SCAPER: variants seen among roughly 807,000 people sequenced by gnomAD.
SCAPER encodes S-phase cyclin A associated protein in the ER.
SCAPER carries 98 observed loss-of-function variants against 182.2 expected under a neutral mutation model. The observed-to-expected ratio is 0.54, with a 90% CI of 0.46 to 0.64. The LOEUF is 0.64. Among genes scored for constraint, SCAPER ranks in the 30% least tolerant of loss-of-function variants. The probability of loss-of-function intolerance (pLI) is 0.00; values close to 1 mark genes in which losing one functional copy is unlikely to be tolerated. For synonymous variants in SCAPER, 605 were observed against 564.6 expected (o/e 1.07, Z -1.01); for missense variants, 1,432 against 1,690.0 (o/e 0.85, Z 2.68).
At position 76,359,127 on chromosome 15, in the gene SCAPER, C is replaced by T. The variant is rs1016022418; in HGVS notation, c.3856-4987G>A. Among the ~76,000 whole-genome samples, 4 of 152,324 alleles carry T rather than the reference C, an allele frequency of 2.6e-5. No homozygotes were observed. The East Asian group carries it at 7.7e-4, about 29-fold the overall frequency. ...TTTGGTTAGCTGACCAGTTCTGCTG[C>T]TCTGAGTCTTCTCCCGCTAGACCTG... On this transcript the variant is annotated intron_variant, in intron 29 of 31. Transcript: ENST00000563290.
At chr15:76,690,761 C>T (rs556623362) in intron 20 of SCAPER, among the ~76,000 whole-genome samples, 24 of 152,166 alleles carry the variant, frequency 1.6e-4, no homozygotes, top group Middle Eastern at 3.4e-3. Context: ...AGAAACTGCT[C>T]CAGAACACAG....
intron 27 of SCAPER, among the ~76,000 whole-genome samples, chr15:76,384,814 C>G (rs2043188300): frequency 6.6e-6 from 1 of 152,112 alleles, no homozygotes; most frequent in Non-Finnish European, 1.5e-5. Flanking sequence ...GCTTGAAGTA[C>G]AGATAATTTG....
At chr15:76,780,334 C>T (rs1319046469) in intron 8 of SCAPER, among the ~76,000 whole-genome samples, 1 of 152,200 alleles carries the variant, frequency 6.6e-6, no homozygotes, top group Non-Finnish European at 1.5e-5. Flanking sequence ...GAGGGGCATC[C>T]GCCATTGCTG....
At position 76,381,421 on chromosome 15, in the gene SCAPER, C is replaced by T. The variant is rs1382409824; in HGVS notation, c.3662G>A (p.Arg1221His). 4 of 1,613,808 alleles carry T rather than the reference C, an allele frequency of 2.5e-6. No homozygotes were observed. The highest frequency in any genetic ancestry group is 2.2e-5 in the East Asian group (1 of 44,882). Residue 1221 changes from arginine to histidine, a missense_variant, in exon 28 of 32, where the codon CGT becomes CAT. This residue lies in a region of SCAPER where 718 missense variants were observed against 799.7 expected (regional missense o/e 0.90). Transcript: ENST00000563290. Reference sequence around the variant, plus strand: ...AAGAGCTGCAAAGCTGTTGAAGAAACGTAAACTCTGAATGGCCACTTGGAT... The same window carrying T: ...AAGAGCTGCAAAGCTGTTGAAGAAATGTAAACTCTGAATGGCCACTTGGAT... ...NTIQVAIQSLRFFNSFAALHL... is the reference protein window; with the variant it reads ...NTIQVAIQSLHFFNSFAALHL...
chr15:76,416,064 A>G (rs2045623511), intron 26 of SCAPER, among the ~76,000 whole-genome samples: 1 of 152,166 alleles, frequency 6.6e-6, no homozygotes, highest in Admixed American at 6.5e-5. Flanking sequence ...AATTTTTATA[A>G]ACATTTCAAC....
chr15:76,498,010 AAAAAAAAAAAT>A, intron 24 of SCAPER, among the ~76,000 whole-genome samples: 1 of 149,372 alleles, frequency 6.7e-6, no homozygotes, highest in East Asian at 2.0e-4. Context: ...AAAAAAAAAA[AAAAAAAAAAAT>A]AAGCACATGA....
At chr15:76,467,128 T>C (rs1383117134) in intron 25 of SCAPER, among the ~76,000 whole-genome samples, 1 of 152,194 alleles carries the variant, frequency 6.6e-6, no homozygotes, top group Non-Finnish European at 1.5e-5. Context: ...TCTGCCATGA[T>C]TGTAAGTTTC....
chr15:76,699,792 T>G (rs2058836708), intron 20 of SCAPER, among the ~76,000 whole-genome samples: 1 of 152,224 alleles, frequency 6.6e-6, no homozygotes, highest in East Asian at 1.9e-4. Context: ...CAGGTTCAAG[T>G]GCACAGGCTA....
At chr15:76,688,208 CAT>C (rs143701256) in intron 20 of SCAPER, among the ~76,000 whole-genome samples, 46,918 of 151,982 alleles carry the variant, frequency 0.31, 7,557 homozygotes, top group East Asian at 0.55. Flanking sequence ...AGCTTTTCAT[CAT>C]ATGTTTGTTG....
At chr15:76,876,391 G>A (rs1221324385) in intron 2 of SCAPER, among the ~76,000 whole-genome samples, 2 of 147,036 alleles carry the variant, frequency 1.4e-5, no homozygotes, top group Non-Finnish European at 3.0e-5. Context: ...TCATGCTACT[G>A]CACTCCAGCC....
rs367635815 is a variant in SCAPER, at chr15:76,726,254, A to ATTATT, written c.2165+2340_2165+2341insAATAA. Among the ~76,000 whole-genome samples the ATTATT allele has an allele frequency of 1.2e-3, 183 of 150,516 alleles. 2 individuals are homozygous for ATTATT. Among genetic ancestry groups the ATTATT allele is most frequent in the Middle Eastern group, 3.4e-3 (1 of 290 alleles). Reference sequence around the variant, plus strand: ...CAAAAATATAAAGAAATGGCCAATAAGCACATGAAAAGATGCTTAAGGTCA... The same window carrying ATTATT: ...CAAAAATATAAAGAAATGGCCAATAATTATTGCACATGAAAAGATGCTTAAGGTCA... On this transcript the variant is annotated intron_variant, in intron 17 of 31. Transcript: ENST00000563290.
chr15:76,496,287 G>A (rs1034151492), intron 24 of SCAPER, among the ~76,000 whole-genome samples: 2 of 151,792 alleles, frequency 1.3e-5, no homozygotes, highest in Admixed American at 6.6e-5. Flanking sequence ...TGAGAGAGTA[G>A]GGTCTGAAGA....
chr15:76,567,156 A>G, intron 23 of SCAPER: 1 of 280,380 alleles, frequency 3.6e-6, no homozygotes, highest in South Asian at 3.4e-5. Context: ...CAGTATATAT[A>G]TTTTTTGGTG....
At chr15:76,523,131 T>C (rs547071055) in intron 23 of SCAPER, among the ~76,000 whole-genome samples, 1 of 152,198 alleles carries the variant, frequency 6.6e-6, no homozygotes, top group Non-Finnish European at 1.5e-5. Flanking sequence ...TTGCTTATAT[T>C]GCTTTAACCA....
At chr15:76,469,230 T>C (rs1369123407) in intron 25 of SCAPER, among the ~76,000 whole-genome samples, 3 of 152,160 alleles carry the variant, frequency 2.0e-5, no homozygotes, top group African/African-American at 2.4e-5. Context: ...ACTACCAACA[T>C]AGAATAAGCT....
At chr15:76,845,361 G>C (rs973948328) in intron 4 of SCAPER, among the ~76,000 whole-genome samples, 1 of 152,084 alleles carries the variant, frequency 6.6e-6, no homozygotes, top group African/African-American at 2.4e-5. Context: ...GTACGTACTG[G>C]AAGTCCTACT....
intron 26 of SCAPER, among the ~76,000 whole-genome samples, chr15:76,426,081 G>A (rs2046405064): frequency 6.6e-6 from 1 of 152,212 alleles, no homozygotes; most frequent in African/African-American, 2.4e-5. Flanking sequence ...TGAGGGGGCA[G>A]TCTGTCCCTT....
At chr15:76,395,744 G>A (rs2044005572) in intron 27 of SCAPER, among the ~76,000 whole-genome samples, 1 of 151,672 alleles carries the variant, frequency 6.6e-6, no homozygotes, top group African/African-American at 2.4e-5. Context: ...TATTCTAGTT[G>A]TTAATCCCTT....
intron 17 of SCAPER, among the ~76,000 whole-genome samples, chr15:76,713,171 A>G (rs1054132810): frequency 6.6e-6 from 1 of 152,032 alleles, no homozygotes; most frequent in Admixed American, 6.6e-5. Flanking sequence ...ACACTTTTAC[A>G]CTGTTGGTGG....
Sources: gnomAD v4.1 joint callset for allele counts (sites outside exome capture counted in the v4.1 genomes callset) on GRCh38, gnomAD v4.1.1 for gene constraint, gnomAD v4.1.1 regional missense constraint, MANE v1.5 for transcripts, NCBI Gene and HGNC (gene_info 2026-07-23, HGNC 2026-07-21) for gene names.